The following ARL15 variants were observed in gnomAD, a reference collection of about 807,000 sequenced individuals.
ARL15 encodes ARF like GTPase 15.
Under a neutral mutation model 25.2 loss-of-function variants are expected in ARL15, and 19 were observed. The observed-to-expected ratio is 0.75, with a 90% CI of 0.53 to 1.10. The LOEUF (loss-of-function observed/expected upper bound fraction) is 1.10. Among genes scored for constraint, ARL15 ranks in the 50% least tolerant of loss-of-function variants. The pLI, the probability that ARL15 is intolerant of heterozygous loss-of-function variation, is 0.00. For synonymous variants in ARL15, 94 were observed against 86.8 expected, an observed-to-expected ratio of 1.08 and a Z score of -0.46; for missense variants, 220 against 246.0, an observed-to-expected ratio of 0.89 and a Z score of 0.71.
chr5:54,051,127 A>G (rs1165959094), intron 4 of ARL15, among the ~76,000 whole-genome samples: 2 of 152,210 alleles, frequency 1.3e-5, no homozygotes, highest in African/African-American at 2.4e-5. Flanking sequence ...GCTTATGAGA[A>G]GCCAACATTT....
At chr5:54,200,097 G>A (rs1755670541) in intron 1 of ARL15, among the ~76,000 whole-genome samples, 2 of 144,098 alleles carry the variant, frequency 1.4e-5, no homozygotes, top group Admixed American at 1.4e-4. Context: ...TGAACAATGA[G>A]AACACATGGA....
intron 1 of ARL15, among the ~76,000 whole-genome samples, chr5:54,237,381 A>G (rs543455111): frequency 6.6e-6 from 1 of 152,324 alleles, no homozygotes; most frequent in African/African-American, 2.4e-5. Context: ...TATTAGCAGC[A>G]TGAGAATGGA....
intron 1 of ARL15, chr5:54,307,960 A>C (rs915646740): frequency 6.6e-6 from 1 of 152,250 alleles, no homozygotes; most frequent in African/African-American, 2.4e-5. Flanking sequence ...CAAGGTAAGT[A>C]AAAGAACTCA....
At chr5:53,910,730 C>T (rs1745436444) in intron 4 of ARL15, among the ~76,000 whole-genome samples, 1 of 146,508 alleles carries the variant, frequency 6.8e-6, no homozygotes, top group Non-Finnish European at 1.5e-5. Flanking sequence ...CTATGGAAGA[C>T]ACATTCTCCT....
At chr5:54,259,519 G>A (rs3797232) in intron 1 of ARL15, among the ~76,000 whole-genome samples, 17,602 of 152,046 alleles carry the variant, frequency 0.12, 1,304 homozygotes, top group East Asian at 0.41. Flanking sequence ...CTGAAGTGAC[G>A]GCAAGTGAAA....
At chr5:53,957,777 T>A (rs1747209154) in intron 4 of ARL15, among the ~76,000 whole-genome samples, 1 of 152,152 alleles carries the variant, frequency 6.6e-6, no homozygotes, top group Admixed American at 6.5e-5. Flanking sequence ...TGAGCCATGA[T>A]TGTACCATTG....
At chr5:54,218,862 A>C (rs1756293123) in intron 1 of ARL15, among the ~76,000 whole-genome samples, 1 of 152,200 alleles carries the variant, frequency 6.6e-6, no homozygotes, top group African/African-American at 2.4e-5. Flanking sequence ...GTGATGGAGC[A>C]GCTGAAGAGC....
chr5:54,027,666 G>C (rs1295324494), intron 4 of ARL15, among the ~76,000 whole-genome samples: 1 of 151,952 alleles, frequency 6.6e-6, no homozygotes, highest in Non-Finnish European at 1.5e-5. Flanking sequence ...ATCTATGCTT[G>C]CACCAACTGC....
intron 4 of ARL15, among the ~76,000 whole-genome samples, chr5:54,112,651 A>T (rs1752775263): frequency 6.6e-6 from 1 of 152,312 alleles, no homozygotes; most frequent in Admixed American, 6.5e-5. Context: ...TATAGGAGAG[A>T]TACAAGCTAA....
intron 1 of ARL15, among the ~76,000 whole-genome samples, chr5:54,282,862 A>G (rs1294035047): frequency 6.6e-6 from 1 of 152,240 alleles, no homozygotes; most frequent in Admixed American, 6.5e-5. Flanking sequence ...GGCAGTACTC[A>G]ACTTAGAATT....
intron 3 of ARL15, among the ~76,000 whole-genome samples, chr5:54,135,802 G>A (rs545732572): frequency 6.6e-6 from 1 of 152,268 alleles, no homozygotes; most frequent in Non-Finnish European, 1.5e-5. Flanking sequence ...AACAAATATG[G>A]TTTCATATTC....
chr5:54,049,742 A>AT (rs1021727752), intron 4 of ARL15, among the ~76,000 whole-genome samples: 195 of 148,008 alleles, frequency 1.3e-3, no homozygotes, highest in African/African-American at 4.5e-3. Flanking sequence ...AATTGTTCTG[A>AT]TTTTTTTTTT....
chr5:54,088,642 C>T (rs1752047636), intron 4 of ARL15, among the ~76,000 whole-genome samples: 1 of 152,084 alleles, frequency 6.6e-6, no homozygotes, highest in Admixed American at 6.5e-5. Context: ...GCAGCACAGC[C>T]CTAGTGAAGC....
intron 1 of ARL15, among the ~76,000 whole-genome samples, chr5:54,232,623 AG>A (rs1290627507): frequency 6.6e-6 from 1 of 152,186 alleles, no homozygotes; most frequent in African/African-American, 2.4e-5. Context: ...TGGGAAGGGC[AG>A]GGGTGCTTAA....
intron 4 of ARL15, among the ~76,000 whole-genome samples, chr5:53,958,433 A>G (rs1747244860): frequency 6.6e-6 from 1 of 152,170 alleles, no homozygotes; most frequent in African/African-American, 2.4e-5. Context: ...AAAAATCACA[A>G]AAGGAAAAGA....
chr5:54,299,584 C>CTTTTTTTTTTTTT (rs752417066), intron 1 of ARL15, among the ~76,000 whole-genome samples: 2 of 79,538 alleles, frequency 2.5e-5, no homozygotes, highest in Non-Finnish European at 2.2e-5. Flanking sequence ...TAGCTATTAG[C>CTTTTTTTTTTTTT]TTTTTTTTTT....
intron 1 of ARL15, among the ~76,000 whole-genome samples, chr5:54,199,900 T>C: frequency 9.2e-6 from 1 of 108,884 alleles, no homozygotes; most frequent in Non-Finnish European, 1.9e-5. Context: ...AACCCAAATG[T>C]CCAACAATGA....
intron 4 of ARL15, among the ~76,000 whole-genome samples, chr5:54,060,111 C>G (rs1474129203): frequency 7.7e-6 from 1 of 130,654 alleles, no homozygotes; most frequent in Non-Finnish European, 1.5e-5. Flanking sequence ...GTGAATGAGT[C>G]TCATGAGATC....
chr5:54,027,192 T>TA (rs1346620429), intron 4 of ARL15, among the ~76,000 whole-genome samples: 1 of 152,232 alleles, frequency 6.6e-6, no homozygotes, highest in African/African-American at 2.4e-5. Flanking sequence ...AAATGAATTA[T>TA]CCAGGATTTC....
Sources: gnomAD v4.1 joint callset for allele counts (sites outside exome capture counted in the v4.1 genomes callset) on GRCh38, gnomAD v4.1.1 for gene constraint, MANE v1.5 for transcripts, NCBI Gene and HGNC (gene_info 2026-07-23, HGNC 2026-07-21) for gene names.